Variants in RAP1GAP2 observed in about 807,000 individuals in gnomAD.
RAP1GAP2 encodes RAP1 GTPase activating protein 2, also known as rap1 GTPase-activating protein 2.
A neutral mutation model predicts 95.0 loss-of-function variants in RAP1GAP2; 27 were observed. That is an observed-to-expected ratio of 0.28 (90% CI 0.21 to 0.39). The LOEUF (loss-of-function observed/expected upper bound fraction) is 0.39. Among genes scored for constraint, RAP1GAP2 ranks in the 10% least tolerant of loss-of-function variants. The probability of loss-of-function intolerance (pLI) is 1.00; values close to 1 mark genes in which losing one functional copy is unlikely to be tolerated. For missense variants in RAP1GAP2, 771 were observed against 970.0 expected (o/e 0.79, Z 2.72); for synonymous variants, 373 against 380.9 (o/e 0.98, Z 0.24).
At chr17:2,877,479 G>A (rs980553329) in intron 2 of RAP1GAP2, among the ~76,000 whole-genome samples, 5 of 152,280 alleles carry the variant, frequency 3.3e-5, no homozygotes, top group Admixed American at 2.0e-4. Flanking sequence ...CGGGTGTGGT[G>A]GCTCACACCT....
chr17:2,931,823 C>T (rs2043166262), intron 3 of RAP1GAP2, among the ~76,000 whole-genome samples: 1 of 152,160 alleles, frequency 6.6e-6, no homozygotes. Context: ...CCTTGCTCAG[C>T]CTTCCTCTTC....
At position 3,029,896 on chromosome 17, in the gene RAP1GAP2, A is replaced by C. The variant is rs1380117664; in HGVS notation, c.2108-1026A>C. 6.6e-6 allele frequency among the ~76,000 whole-genome samples: 1 copy of C among 151,982 alleles called. No homozygotes were observed. The highest frequency in any genetic ancestry group is 1.5e-5 in the Non-Finnish European group (1 of 68,012). ...CTTTACCATAAGTCCCATATGTCCA[A>C]CTGATTCTCACAGAATGCTTTTAGT... On this transcript the variant is annotated intron_variant, in intron 22 of 24. Coordinates refer to ENST00000254695, the MANE Select transcript of RAP1GAP2 (RefSeq NM_015085.5). This position sits in a 1 kb window ranked among gnomAD's most constrained non-coding sequence, Gnocchi z 4.4.
At position 2,903,663 on chromosome 17, in the gene RAP1GAP2, G is replaced by C. The variant is rs1234971645; in HGVS notation, c.81-1621G>C. 6.6e-6 allele frequency among the ~76,000 whole-genome samples: 1 copy of C among 152,242 alleles called. No homozygotes were observed. The highest frequency in any genetic ancestry group is 1.5e-5 in the Non-Finnish European group (1 of 68,044). Reference sequence around the variant, plus strand: ...AGGGAGATGGGGAGCAGGAGACAGGGATTGCCAGGTTCAGGTTAATGGGGT... The same window carrying C: ...AGGGAGATGGGGAGCAGGAGACAGGCATTGCCAGGTTCAGGTTAATGGGGT... On this transcript the variant is annotated intron_variant, in intron 2 of 24. Transcript: ENST00000254695. This position sits in a 1 kb window ranked among gnomAD's most constrained non-coding sequence, Gnocchi z 4.1.
chr17:2,796,547 G>A lies in RAP1GAP2; in HGVS notation c.20G>A (p.Ser7Asn). 1.3e-6 allele frequency: 2 copies of A among 1,564,732 alleles called. No individual in the cohort carries two copies. The highest frequency in any genetic ancestry group is 1.7e-6 in the Non-Finnish European group (2 of 1,154,568). The change falls in exon 1 of 25, where the codon AGT (serine) becomes AAT (asparagine). Residue 7 changes from serine (S) to asparagine (N), a missense_variant. Physicochemically the swap from Ser to Asn is conservative, Grantham distance 46 (BLOSUM62 1). Transcript: ENST00000254695. This position sits in a 1 kb window ranked among gnomAD's most constrained non-coding sequence, Gnocchi z 4.7. Reference sequence around the variant, plus strand: ...ACAACCATGTTTGGCCGGAAGCGCAGTGTCTCCTTTGGGGGCTTCGGATGG... The same window carrying A: ...ACAACCATGTTTGGCCGGAAGCGCAATGTCTCCTTTGGGGGCTTCGGATGG... Reference protein sequence around the residue: MFGRKRSVSFGGFGWID... With the variant: MFGRKRNVSFGGFGWID...
intron 2 of RAP1GAP2, among the ~76,000 whole-genome samples, chr17:2,863,839 C>T (rs1338092430): frequency 2.0e-5 from 3 of 152,110 alleles, no homozygotes; most frequent in Non-Finnish European, 4.4e-5. Context: ...GGCGGATCAC[C>T]TGAGGTCGGG....
intron 1 of RAP1GAP2, chr17:2,800,108 G>T (rs1346500884): frequency 1.1e-5 from 9 of 816,886 alleles, no homozygotes; most frequent in Admixed American, 6.2e-5. Context: ...CTGGCATTCA[G>T]ATTGACATCC....
chr17:2,920,607 G>C (rs2042729794), intron 3 of RAP1GAP2, among the ~76,000 whole-genome samples: 1 of 152,238 alleles, frequency 6.6e-6, no homozygotes, highest in East Asian at 1.9e-4. Context: ...CTCATTTATA[G>C]AACGGAGCTC....
In RAP1GAP2 at chr17:2,982,295, T is replaced by C. The variant is rs1387106272; in HGVS notation, c.729+1047T>C. Among the ~76,000 whole-genome samples, 4 of 152,288 alleles carry C rather than the reference T, an allele frequency of 2.6e-5. No individual in the cohort carries two copies. The East Asian group carries it at 5.8e-4, about 22-fold the overall frequency. On this transcript the variant is annotated intron_variant, in intron 10 of 24. Transcript: ENST00000254695. ...CTGGGACTACAGGTGTGCGCCACCA[T>C]GCCCAGCTAATTTTTGTATTTTTAG...
chr17:2,977,100 G>A (rs1175592926), intron 8 of RAP1GAP2, among the ~76,000 whole-genome samples: 2 of 146,584 alleles, frequency 1.4e-5, no homozygotes, highest in African/African-American at 5.0e-5. Flanking sequence ...TCCAGCCTGG[G>A]CAACAAGAAT....
At chr17:2,876,630 T>TC (rs2073108530) in intron 2 of RAP1GAP2, among the ~76,000 whole-genome samples, 1 of 152,308 alleles carries the variant, frequency 6.6e-6, no homozygotes, top group African/African-American at 2.4e-5. Context: ...GTAGCAGGTT[T>TC]CCGAGAGATG....
chr17:3,018,003 G>T lies in RAP1GAP2; in HGVS notation c.1495-58G>T, dbSNP rs529672764. 81 of 1,526,312 alleles carry T rather than the reference G, an allele frequency of 5.3e-5. No homozygotes were observed. In the South Asian group the frequency reaches 9.6e-4, roughly 18 times the overall value. 94.5% of individuals were successfully genotyped at this position (1,526,312 alleles called of 1,614,324 possible). A position where few individuals can be genotyped will look rare whatever the true frequency, so the allele number is the denominator to read the frequency against. ...TGTGTCTACAGACCCCACGAGGAGG[G>T]CAGAGTCATCCGGAGAGCCCGGGTG... On this transcript the variant is annotated intron_variant, in intron 17 of 24. Coordinates refer to ENST00000254695, the MANE Select transcript of RAP1GAP2 (RefSeq NM_015085.5).
rs1265316723 is a variant in RAP1GAP2 at position 3,004,385 on chromosome 17, G to A, written c.1201-984G>A. Among the ~76,000 whole-genome samples the A allele has an allele frequency of 4.6e-5, 7 of 152,348 alleles. No homozygotes were observed. The highest frequency in any genetic ancestry group is 1.3e-4 in the Admixed American group (2 of 15,308). Reference sequence around the variant, plus strand: ...TCGGTGCCCAGCTGCCTGCTCACCCGGCCTGGCAGACTCTGCATCTGCTCC... The same window carrying A: ...TCGGTGCCCAGCTGCCTGCTCACCCAGCCTGGCAGACTCTGCATCTGCTCC... On this transcript the variant is annotated intron_variant, in intron 14 of 24. Transcript: ENST00000254695. The surrounding 1 kb of genome is among the most constrained non-coding windows in gnomAD (Gnocchi z 4.1).
chr17:2,820,801 A>G (rs374248839), intron 2 of RAP1GAP2, among the ~76,000 whole-genome samples: 1 of 151,322 alleles, frequency 6.6e-6, no homozygotes, highest in Non-Finnish European at 1.5e-5. Flanking sequence ...GGCTCACTAA[A>G]ATCTCCGCCT....
chr17:2,930,890 G>A (rs747610286), intron 3 of RAP1GAP2, among the ~76,000 whole-genome samples: 1 of 152,166 alleles, frequency 6.6e-6, no homozygotes, highest in Non-Finnish European at 1.5e-5. Flanking sequence ...TTGGGAGGCC[G>A]AGGCGGGCAG....
In RAP1GAP2 at chr17:2,970,912, G is replaced by C. The variant is rs1204141266; in HGVS notation, c.596+5269G>C. Among the ~76,000 whole-genome samples the C allele has an allele frequency of 4.6e-5, 7 of 151,976 alleles. No homozygotes were observed. The East Asian group carries it at 1.3e-3, about 29-fold the overall frequency. ...TAGCTGGGTGAAGTGGCACACACCTGTGGTCCCAGCTACTCAGGAGGCTGA... is the reference window on the plus strand; with the variant it reads ...TAGCTGGGTGAAGTGGCACACACCTCTGGTCCCAGCTACTCAGGAGGCTGA... On this transcript the variant is annotated intron_variant, in intron 8 of 24. Transcript: ENST00000254695.
At chr17:2,958,605 G>A (rs938614976) in intron 4 of RAP1GAP2, among the ~76,000 whole-genome samples, 2 of 152,136 alleles carry the variant, frequency 1.3e-5, no homozygotes, top group African/African-American at 2.4e-5. Context: ...CATAGGACAG[G>A]TGAGAAAATC....
intron 3 of RAP1GAP2, 49 bp from the exon 4 acceptor site, chr17:2,957,710 A>G (rs2044169255): frequency 2.5e-6 from 4 of 1,576,714 alleles, no homozygotes; most frequent in Non-Finnish European, 3.5e-6. Flanking sequence ...TTTGCTGTGG[A>G]CCTCCCGGCT....
chr17:3,009,025 G>A (rs2151615916), intron 17 of RAP1GAP2, among the ~76,000 whole-genome samples: 2 of 152,226 alleles, frequency 1.3e-5, no homozygotes, highest in Middle Eastern at 6.8e-3. Context: ...AAGGTGATTT[G>A]GAAACTCCCA....
rs186378492 is a variant in RAP1GAP2 at position 2,955,312 on chromosome 17, C to T, written c.166-2447C>T. On this transcript the variant is annotated intron_variant, in intron 3 of 24. Transcript: ENST00000254695. ...CGCCTGTGATAGTCTGTGTTTTGAT[C>T]GTGGCTATGTTAGTGGTATGAGTGG... Among the ~76,000 whole-genome samples the T allele has an allele frequency of 1.0e-3, 157 of 152,286 alleles. 1 individual carries two copies. Among genetic ancestry groups the T allele is most frequent in the African/African-American group, 3.4e-3 (143 of 41,564 alleles).
Sources: gnomAD v4.1 joint callset for allele counts (sites outside exome capture counted in the v4.1 genomes callset) on GRCh38, gnomAD v4.1.1 for gene constraint, Gnocchi (gnomAD v3.1) non-coding constraint, MANE v1.5 for transcripts, NCBI Gene and HGNC (gene_info 2026-07-23, HGNC 2026-07-21) for gene names.